ARHGAP42: variants seen among roughly 807,000 people sequenced by gnomAD.
ARHGAP42 encodes rho GTPase-activating protein 42.
ARHGAP42 carries 63 observed loss-of-function variants against 125.0 expected under a neutral mutation model. That is an observed-to-expected ratio of 0.50 (90% CI 0.41 to 0.62). The LOEUF is 0.62. ARHGAP42 is among the 20% of genes least tolerant of loss of function. ARHGAP42 has a pLI of 0.00. For missense variants in ARHGAP42, 766 were observed against 1,024.2 expected (o/e 0.75, Z 3.44); for synonymous variants, 339 against 351.0 (o/e 0.97, Z 0.38).
chr11:100,788,554 G>A (rs1047764900), intron 2 of ARHGAP42, among the ~76,000 whole-genome samples: 11 of 152,274 alleles, frequency 7.2e-5, no homozygotes, highest in East Asian at 3.9e-4. Flanking sequence ...GTGAGCATCC[G>A]TGGAGCTTGA....
chr11:100,949,620 G>A (rs1339000938), intron 11 of ARHGAP42, among the ~76,000 whole-genome samples: 1 of 152,180 alleles, frequency 6.6e-6, no homozygotes, highest in African/African-American at 2.4e-5. Flanking sequence ...GATACTTCCT[G>A]AGAAAGGCTC....
intron 17 of ARHGAP42, among the ~76,000 whole-genome samples, chr11:100,969,054 T>C (rs148651736): frequency 2.8e-4 from 43 of 152,328 alleles, no homozygotes; most frequent in African/African-American, 9.6e-4. Flanking sequence ...CTGCTAGCAA[T>C]AAGTTCTCTC....
intron 4 of ARHGAP42, among the ~76,000 whole-genome samples, chr11:100,874,931 G>A (rs1591258685): frequency 1.3e-5 from 2 of 152,088 alleles, no homozygotes; most frequent in South Asian, 2.1e-4. Context: ...TCAGGACTCA[G>A]ATGACTCTGT....
chr11:100,939,983 A>T (rs1336244744), intron 8 of ARHGAP42, among the ~76,000 whole-genome samples: 1 of 152,222 alleles, frequency 6.6e-6, no homozygotes, highest in East Asian at 1.9e-4. Flanking sequence ...ATTTCTATCC[A>T]GTCACTTTCC....
At chr11:100,899,884 T>C (rs888939872) in intron 4 of ARHGAP42, among the ~76,000 whole-genome samples, 16 of 152,210 alleles carry the variant, frequency 1.1e-4, no homozygotes, top group African/African-American at 2.9e-4. Flanking sequence ...GTGTCTTTAA[T>C]TGGGGCCTTT....
intron 1 of ARHGAP42, among the ~76,000 whole-genome samples, chr11:100,748,327 G>A (rs1265760480): frequency 2.0e-5 from 3 of 152,164 alleles, no homozygotes; most frequent in South Asian, 2.1e-4. Context: ...TTCTACTAGA[G>A]TTTCCATATC....
At chr11:100,837,952 C>T (rs1476805980) in intron 3 of ARHGAP42, among the ~76,000 whole-genome samples, 66 of 5,514 alleles carry the variant, frequency 0.012, no homozygotes, top group East Asian at 0.079. Flanking sequence ...TTTTATTTTA[C>T]TAGGAGACAG....
At chr11:100,754,558 A>G (rs982321152) in intron 1 of ARHGAP42, among the ~76,000 whole-genome samples, 13 of 152,248 alleles carry the variant, frequency 8.5e-5, no homozygotes, top group Non-Finnish European at 1.9e-4. Context: ...GATTCAGGTT[A>G]GCTTTAAGGA....
chr11:100,956,864 A>G (rs1857818431), intron 12 of ARHGAP42, among the ~76,000 whole-genome samples: 1 of 152,122 alleles, frequency 6.6e-6, no homozygotes, highest in South Asian at 2.1e-4. Context: ...TAAGTGACAA[A>G]GTGATATATG....
chr11:100,837,666 C>CTTGTTTTTTTTTTTTTTTTTTT (rs1565235465), intron 3 of ARHGAP42, among the ~76,000 whole-genome samples: 1 of 61,042 alleles, frequency 1.6e-5, no homozygotes, highest in Admixed American at 1.9e-4. Flanking sequence ...AGGTGTCATC[C>CTTGTTTTTTTTTTTTTTTTTTT]TTTTTTTTTT....
chr11:100,692,062 G>A (rs529407750), intron 1 of ARHGAP42, among the ~76,000 whole-genome samples: 26 of 152,282 alleles, frequency 1.7e-4, no homozygotes, highest in African/African-American at 6.0e-4. Flanking sequence ...TTTGGGTGGG[G>A]ACAGCATTAT....
intron 12 of ARHGAP42, among the ~76,000 whole-genome samples, chr11:100,953,439 T>G (rs1203634849): frequency 6.6e-6 from 1 of 152,186 alleles, no homozygotes; most frequent in Non-Finnish European, 1.5e-5. Flanking sequence ...TGCCAGCCAT[T>G]TAGAAGCAAT....
intron 4 of ARHGAP42, among the ~76,000 whole-genome samples, chr11:100,876,529 A>T (rs1865828325): frequency 6.6e-6 from 1 of 152,166 alleles, no homozygotes; most frequent in African/African-American, 2.4e-5. Flanking sequence ...GGTGAATCTC[A>T]TCACGGATTT....
At chr11:100,764,025 CTTTTT>C (rs772607133) in intron 1 of ARHGAP42, among the ~76,000 whole-genome samples, 1 of 101,508 alleles carries the variant, frequency 9.9e-6, no homozygotes, top group Admixed American at 9.8e-5. Context: ...TCTTCTTCTT[CTTTTT>C]TTTTTTTTTT....
chr11:100,811,930 C>A (rs1169991401), intron 3 of ARHGAP42, among the ~76,000 whole-genome samples: 1 of 152,138 alleles, frequency 6.6e-6, no homozygotes, highest in Non-Finnish European at 1.5e-5. Context: ...GATTTCTTTT[C>A]AATTTCTTTT....
chr11:100,885,087 G>C (rs1419059511), intron 4 of ARHGAP42, among the ~76,000 whole-genome samples: 1 of 152,118 alleles, frequency 6.6e-6, no homozygotes, highest in Non-Finnish European at 1.5e-5. Context: ...TCACAGATTG[G>C]GGAGATAGTA....
chr11:100,770,100 G>C (rs1862937847), intron 1 of ARHGAP42, among the ~76,000 whole-genome samples: 1 of 152,096 alleles, frequency 6.6e-6, no homozygotes, highest in African/African-American at 2.4e-5. Flanking sequence ...CTCTCTTAAA[G>C]CAGTAAATCT....
intron 4 of ARHGAP42, among the ~76,000 whole-genome samples, chr11:100,875,101 CTCTCTCTGTGTGTGTGTGTGTGTG>C (rs1431384786): frequency 3.1e-4 from 29 of 93,484 alleles, no homozygotes; most frequent in African/African-American, 9.1e-4. Context: ...CTCTCTCTCT[CTCTCTCTGTGTGTGTGTGTGTGTG>C]TGTGTGTGTG....
intron 4 of ARHGAP42, among the ~76,000 whole-genome samples, chr11:100,885,093 T>C (rs1160283702): frequency 6.6e-6 from 1 of 152,112 alleles, no homozygotes; most frequent in African/African-American, 2.4e-5. Context: ...ATTGGGGAGA[T>C]AGTATTTAGC....
Sources: allele counts gnomAD v4.1 joint callset (sites outside exome capture counted in the v4.1 genomes callset), GRCh38; gene constraint gnomAD v4.1.1; transcripts MANE v1.5; gene names NCBI Gene and HGNC (gene_info 2026-07-23, HGNC 2026-07-21).